Variants in PTPRE observed in about 807,000 individuals in gnomAD.
The protein encoded by PTPRE is protein tyrosine phosphatase receptor type E.
Under a neutral mutation model 102.0 loss-of-function variants are expected in PTPRE, and 51 were observed. The ratio of observed to expected loss-of-function variants is 0.50; its 90% confidence interval spans 0.40 to 0.63. The LOEUF is 0.63. Among genes scored for constraint, PTPRE ranks in the 30% least tolerant of loss-of-function variants. The probability of loss-of-function intolerance (pLI) is 0.00; values close to 1 mark genes in which losing one functional copy is unlikely to be tolerated. For missense variants in PTPRE, 752 were observed against 915.1 expected (o/e 0.82, Z 2.30); for synonymous variants, 345 against 348.2 (o/e 0.99, Z 0.10).
In PTPRE at chr10:128,040,913, G is replaced by C. The variant is rs267602412; in HGVS notation, c.32G>C (p.Gly11Ala). Residue 11 changes from glycine (G) to alanine (A), a missense_variant, in exon 3 of 21, where the codon GGT becomes GCT. Gly to Ala is a moderately conservative substitution (Grantham distance 60, BLOSUM62 0). Coordinates refer to ENST00000254667, the MANE Select transcript of PTPRE (RefSeq NM_006504.6). ...CCCTTGTGTCCACTCCTGCTGGTGGGTTTTAGCTTGCCGCTCGCCAGGGCT... is the reference window on the plus strand; with the variant it reads ...CCCTTGTGTCCACTCCTGCTGGTGGCTTTTAGCTTGCCGCTCGCCAGGGCT... MEPLCPLLLVGFSLPLARALR... is the reference protein window; with the variant it reads MEPLCPLLLVAFSLPLARALR... 6.2e-7 allele frequency: 1 copy of C among 1,613,898 alleles called. No individual in the cohort carries two copies. Among genetic ancestry groups the C allele is most frequent in the African/African-American group, 1.3e-5 (1 of 74,876 alleles).
At chr10:128,017,201 T>C (rs1368003921) in intron 2 of PTPRE, among the ~76,000 whole-genome samples, 1 of 151,896 alleles carries the variant, frequency 6.6e-6, no homozygotes, top group Non-Finnish European at 1.5e-5. Flanking sequence ...GGCTGAGAGG[T>C]GCTGGTCCCT....
intron 11 of PTPRE, 74 bp downstream of exon 11, chr10:128,066,268 C>T (rs1232550313): frequency 3.2e-6 from 5 of 1,575,690 alleles, no homozygotes; most frequent in East Asian, 2.2e-5. Context: ...TAACATCCTT[C>T]TGCATTTATG....
intron 7 of PTPRE, 134 bp downstream of exon 7, chr10:128,056,347 C>T (rs750361818): frequency 3.0e-5 from 21 of 697,290 alleles, no homozygotes; most frequent in Non-Finnish European, 4.7e-5. Context: ...TCAGCATTTG[C>T]ACCTAGGACT....
At chr10:128,013,537 G>A (rs1307134457) in intron 2 of PTPRE, among the ~76,000 whole-genome samples, 3 of 152,178 alleles carry the variant, frequency 2.0e-5, no homozygotes, top group Non-Finnish European at 4.4e-5. Flanking sequence ...GATGTGCTAT[G>A]ATCTGAATGT....
rs902987026 is a variant in PTPRE at position 128,069,508 on chromosome 10, G to A, written c.1008-184G>A. 23 of 713,196 alleles carry A rather than the reference G, an allele frequency of 3.2e-5. 1 individual carries two copies. The highest frequency in any genetic ancestry group is 2.0e-4 in the African/African-American group (11 of 55,874). 44.2% of individuals were successfully genotyped at this position (713,196 alleles called of 1,614,324 possible). ...GAGTGTCGGTGGCTATCAGAGGACC[G>A]GCCTGAGATCACTTTACTGAGACCA... On this transcript the variant is annotated intron_variant, in intron 12 of 20. Transcript: ENST00000254667.
chr10:127,908,449 G>A (rs1042794753), intron 1 of PTPRE, among the ~76,000 whole-genome samples: 8 of 152,062 alleles, frequency 5.3e-5, no homozygotes, highest in African/African-American at 1.4e-4. Context: ...GGTGGGGAGG[G>A]GGGGTGTGGA....
At chr10:128,005,420 G>T (rs537434662) in intron 2 of PTPRE, among the ~76,000 whole-genome samples, 124 of 152,332 alleles carry the variant, frequency 8.1e-4, no homozygotes, top group Non-Finnish European at 1.5e-3. Context: ...AGAGAGAACA[G>T]GCTCTAACCC....
chr10:128,039,455 T>C (rs1564913092), intron 2 of PTPRE, among the ~76,000 whole-genome samples: 1 of 152,120 alleles, frequency 6.6e-6, no homozygotes, highest in Non-Finnish European at 1.5e-5. Context: ...ATTTTACAAA[T>C]CTAAAATGTG....
At chr10:127,921,899 T>C (rs1260387466) in intron 1 of PTPRE, among the ~76,000 whole-genome samples, 3 of 152,148 alleles carry the variant, frequency 2.0e-5, no homozygotes, top group Admixed American at 6.5e-5. Context: ...GTGCTGTGGC[T>C]CAGGGTGCCG....
chr10:127,926,497 A>G (rs1488373573), intron 1 of PTPRE, among the ~76,000 whole-genome samples: 1 of 152,178 alleles, frequency 6.6e-6, no homozygotes, highest in Non-Finnish European at 1.5e-5. Context: ...GAGACTATAT[A>G]TAGTGGAGGT....
intron 1 of PTPRE, among the ~76,000 whole-genome samples, chr10:127,952,102 A>C (rs894409201): frequency 2.0e-5 from 3 of 152,182 alleles, no homozygotes; most frequent in African/African-American, 7.2e-5. Flanking sequence ...CCTCAGGGGT[A>C]TATCAGTTCT....
chr10:128,029,471 C>T (rs559567966), intron 2 of PTPRE, among the ~76,000 whole-genome samples: 1 of 152,272 alleles, frequency 6.6e-6, no homozygotes, highest in South Asian at 2.1e-4. Context: ...GCCCAGACAC[C>T]ACCCAGGGCC....
chr10:128,077,555 A>C lies in PTPRE; in HGVS notation c.1726-62A>C, dbSNP rs548850532. 1.7e-3 allele frequency: 2,574 copies of C among 1,538,220 alleles called. 62 individuals carry two copies. The South Asian group carries it at 0.03, about 18-fold the overall frequency. On this transcript the variant is annotated intron_variant, in intron 18 of 20. Coordinates refer to ENST00000254667, the MANE Select transcript of PTPRE (RefSeq NM_006504.6). ...CCTTGGCCAATCCCTGAGAGGGCAG[A>C]TGGGGCTGGGGCCTGTTCCCCGGCA...
At chr10:128,026,884 G>A (rs574020528) in intron 2 of PTPRE, among the ~76,000 whole-genome samples, 7 of 152,224 alleles carry the variant, frequency 4.6e-5, no homozygotes, top group Non-Finnish European at 7.3e-5. Context: ...ATCCATGTAA[G>A]TATATTCACA....
chr10:128,059,575 G>C (rs565940557), intron 7 of PTPRE, among the ~76,000 whole-genome samples: 201 of 152,264 alleles, frequency 1.3e-3, no homozygotes, highest in African/African-American at 4.8e-3. Context: ...ACTCAGTAAT[G>C]ACTCAGGAAG....
chr10:127,940,635 G>T (rs1848180788), intron 1 of PTPRE, among the ~76,000 whole-genome samples: 1 of 152,184 alleles, frequency 6.6e-6, no homozygotes, highest in Non-Finnish European at 1.5e-5. Context: ...AGTCCCAGAT[G>T]GATGTCTTAG....
Position 128,008,992 on chromosome 10 carries a change from C to T in PTPRE, c.-8+26696C>T, listed in dbSNP as rs1183462794. 6.6e-6 allele frequency among the ~76,000 whole-genome samples: 1 copy of T among 152,182 alleles called. No individual in the cohort carries two copies. Among genetic ancestry groups the T allele is most frequent in the Admixed American group, 6.5e-5 (1 of 15,280 alleles). The stretch of plus-strand genomic sequence containing the variant: ...TCCTGCAAATCTTACCAGGAGTGCA[C>T]CTTGTCAGTCAGGGGTTGCTTGGAA... On this transcript the variant is annotated intron_variant, in intron 2 of 20. Coordinates refer to ENST00000254667, the MANE Select transcript of PTPRE (RefSeq NM_006504.6). This position sits in a 1 kb window ranked among gnomAD's most constrained non-coding sequence, Gnocchi z 4.0.
intron 1 of PTPRE, among the ~76,000 whole-genome samples, chr10:127,982,002 T>C (rs917614581): frequency 1.3e-5 from 2 of 152,154 alleles, no homozygotes; most frequent in South Asian, 2.1e-4. Flanking sequence ...GGCAGCTGAC[T>C]GATGGAGCAT....
chr10:128,047,968 C>T (rs1848242210), intron 5 of PTPRE, 131 bp downstream of exon 5: 1 of 860,182 alleles, frequency 1.2e-6, no homozygotes, highest in Non-Finnish European at 1.8e-6. Context: ...TCTCACTCTA[C>T]CTGGTATGAT....
Sources: gnomAD v4.1 joint callset for allele counts (sites outside exome capture counted in the v4.1 genomes callset) on GRCh38, gnomAD v4.1.1 for gene constraint, Gnocchi (gnomAD v3.1) non-coding constraint, MANE v1.5 for transcripts, NCBI Gene and HGNC (gene_info 2026-07-23, HGNC 2026-07-21) for gene names.